The following ANKRD33B variants were observed in gnomAD, a reference collection of about 807,000 sequenced individuals.
The protein encoded by ANKRD33B is ankyrin repeat domain 33B.
ANKRD33B carries 6 observed loss-of-function variants against 21.5 expected under a neutral mutation model. The observed-to-expected ratio is 0.28, with a 90% CI of 0.15 to 0.55. The LOEUF (loss-of-function observed/expected upper bound fraction) is 0.55, where lower values mean the gene tolerates loss of function less well. ANKRD33B is among the 20% of genes least tolerant of loss of function. The pLI is 0.94. For synonymous variants in ANKRD33B, 347 were observed against 342.4 expected (o/e 1.01, Z -0.15); for missense variants, 698 against 747.2 (o/e 0.93, Z 0.77).
intron 2 of ANKRD33B, among the ~76,000 whole-genome samples, chr5:10,626,083 G>A (rs544779820): frequency 6.6e-6 from 1 of 152,346 alleles, no homozygotes; most frequent in South Asian, 2.1e-4. Flanking sequence ...AACCCGAGAG[G>A]CAGCCTCGGC....
intron 2 of ANKRD33B, among the ~76,000 whole-genome samples, chr5:10,631,179 C>T (rs1736702423): frequency 6.6e-6 from 1 of 152,130 alleles, no homozygotes; most frequent in South Asian, 2.1e-4. Context: ...TGGCTGGCCT[C>T]AGGGAAGAAG....
At chr5:10,600,479 CTG>C (rs1735905877) in intron 1 of ANKRD33B, among the ~76,000 whole-genome samples, 1 of 152,178 alleles carries the variant, frequency 6.6e-6, no homozygotes, top group African/African-American at 2.4e-5. Flanking sequence ...ACTGGCATTG[CTG>C]TGTGTATCAG....
intron 2 of ANKRD33B, chr5:10,624,962 C>T (rs1242800163): frequency 2.8e-6 from 1 of 356,734 alleles, no homozygotes; most frequent in Non-Finnish European, 5.5e-6. Context: ...AGGGACCCCA[C>T]ATTGAGGATG....
At chr5:10,635,440 G>A (rs1039634808) in intron 2 of ANKRD33B, among the ~76,000 whole-genome samples, 1 of 152,248 alleles carries the variant, frequency 6.6e-6, no homozygotes, top group Non-Finnish European at 1.5e-5. Flanking sequence ...GGACGAGGGA[G>A]AGCAATGTGG....
At chr5:10,636,259 A>G (rs1012795290) in intron 2 of ANKRD33B, among the ~76,000 whole-genome samples, 2 of 152,208 alleles carry the variant, frequency 1.3e-5, no homozygotes, top group East Asian at 1.9e-4. Context: ...TGAAAGGAAC[A>G]TGCTTGAGTT....
At chr5:10,613,643 G>A (rs1736220728) in intron 1 of ANKRD33B, among the ~76,000 whole-genome samples, 2 of 152,296 alleles carry the variant, frequency 1.3e-5, no homozygotes, top group South Asian at 2.1e-4. Flanking sequence ...GCTCACGCCT[G>A]TAATCCCAGC....
At chr5:10,579,733 A>G (rs576963553) in intron 1 of ANKRD33B, among the ~76,000 whole-genome samples, 1 of 152,230 alleles carries the variant, frequency 6.6e-6, no homozygotes, top group South Asian at 2.1e-4. Context: ...AAACCTAGTG[A>G]GAAAGGTCAA....
In ANKRD33B at chr5:10,649,805, T is replaced by TCCCGGGGC; in HGVS notation, c.1182_1189dup (p.Ala397GlyfsTer182). 7.2e-7 allele frequency: 1 copy of TCCCGGGGC among 1,389,292 alleles called. No homozygotes were observed. Among genetic ancestry groups the TCCCGGGGC allele is most frequent in the East Asian group, 3.1e-5 (1 of 32,318 alleles). 86.1% of individuals were successfully genotyped at this position (1,389,292 alleles called of 1,614,324 possible). A position where few individuals can be genotyped will look rare whatever the true frequency, so the allele number is the denominator to read the frequency against. On this transcript the variant is annotated frameshift_variant, in exon 4 of 4. Transcript: ENST00000296657. LOFTEE classifies it high-confidence loss of function. ...AGCCGGCCTCCCTCCCGCCCTGGGG[T>TCCCGGGGC]CCCGGGGCCCCGCAGCGCCCGCCCC...
intron 1 of ANKRD33B, among the ~76,000 whole-genome samples, chr5:10,606,970 A>G (rs1366914137): frequency 6.6e-6 from 1 of 152,106 alleles, no homozygotes; most frequent in Admixed American, 6.5e-5. Flanking sequence ...ACCTCAAGTG[A>G]TCCACCCACC....
chr5:10,630,106 A>G (rs1406334727), intron 2 of ANKRD33B, among the ~76,000 whole-genome samples: 3 of 152,008 alleles, frequency 2.0e-5, no homozygotes, highest in Admixed American at 2.0e-4. Flanking sequence ...AAGATGAGAG[A>G]CCCTTGAGCA....
At chr5:10,577,694 T>C (rs114929145) in intron 1 of ANKRD33B, among the ~76,000 whole-genome samples, 1 of 152,232 alleles carries the variant, frequency 6.6e-6, no homozygotes, top group Non-Finnish European at 1.5e-5. Context: ...GAGACAATAG[T>C]CATCTCCTAA....
intron 1 of ANKRD33B, among the ~76,000 whole-genome samples, chr5:10,581,842 G>A (rs1273580834): frequency 2.6e-5 from 4 of 152,204 alleles, no homozygotes. Flanking sequence ...CTGCCTGCCT[G>A]CCCTGTAGAT....
chr5:10,564,597 T>C lies in ANKRD33B; in HGVS notation c.130T>C (p.Ser44Pro). Reference protein sequence around the residue: ...PADYEEFEDFSSLPDTRSIAS... With the variant: ...PADYEEFEDFPSLPDTRSIAS... ...TGACTACGAAGAGTTTGAGGACTTC[T>C]CGAGTCTGCCAGACACCCGCAGCAT... The change falls in exon 1 of 4, where the codon TCG becomes CCG. Residue 44 changes from serine (S) to proline (P), a missense_variant. Coordinates refer to ENST00000296657, the MANE Select transcript of ANKRD33B (RefSeq NM_001164440.2). The C allele has an allele frequency of 2.6e-6, 4 of 1,534,808 alleles. No individual in the cohort carries two copies. The highest frequency in any genetic ancestry group is 3.5e-6 in the Non-Finnish European group (4 of 1,146,612).
intron 2 of ANKRD33B, chr5:10,625,219 A>C (rs1736518564): frequency 6.4e-6 from 1 of 156,804 alleles, no homozygotes; most frequent in Non-Finnish European, 1.4e-5. Flanking sequence ...AACCAGTTTT[A>C]TTTCTTTGAT....
At chr5:10,607,389 C>T (rs1736067640) in intron 1 of ANKRD33B, among the ~76,000 whole-genome samples, 1 of 152,194 alleles carries the variant, frequency 6.6e-6, no homozygotes, top group Non-Finnish European at 1.5e-5. Flanking sequence ...GAAGGTGGCA[C>T]ATCGTCCACC....
chr5:10,635,913 G>C (rs1258990074), intron 2 of ANKRD33B, among the ~76,000 whole-genome samples: 1 of 152,248 alleles, frequency 6.6e-6, no homozygotes, highest in African/African-American at 2.4e-5. Context: ...CTGCCTACTG[G>C]AGATCTCAGC....
Position 10,576,103 on chromosome 5 carries a change from G to A in ANKRD33B, c.366+11270G>A, listed in dbSNP as rs1735315862. Reference sequence around the variant, plus strand: ...GTAATTGTGGAAGATGCTACCTTTGGGGAGGACAGGTGAAGGGTACAAGTT... The same window carrying A: ...GTAATTGTGGAAGATGCTACCTTTGAGGAGGACAGGTGAAGGGTACAAGTT... On this transcript the variant is annotated intron_variant, in intron 1 of 3. Coordinates refer to ENST00000296657, the MANE Select transcript of ANKRD33B (RefSeq NM_001164440.2). This position sits in a 1 kb window ranked among gnomAD's most constrained non-coding sequence, Gnocchi z 4.1. Among the ~76,000 whole-genome samples the A allele has an allele frequency of 6.6e-6, 1 of 152,184 alleles. No homozygotes were observed. Among genetic ancestry groups the A allele is most frequent in the Non-Finnish European group, 1.5e-5 (1 of 68,038 alleles).
rs1414107091 is a variant in ANKRD33B, at chr5:10,651,697, C to G, written c.*1584C>G. 2 of 152,312 alleles carry G rather than the reference C, an allele frequency of 1.3e-5. No homozygotes were observed. The highest frequency in any genetic ancestry group is 2.9e-5 in the Non-Finnish European group (2 of 68,050). The allele number at this position is 152,312 out of a possible 1,614,324, so 9.4% of individuals were successfully genotyped here. A position where few individuals can be genotyped will look rare whatever the true frequency, so the allele number is the denominator to read the frequency against. On this transcript the variant is annotated 3_prime_UTR_variant, in exon 4 of 4. Transcript: ENST00000296657. Reference sequence around the variant, plus strand: ...ACTATGACCCTAATAACCCTAGATACATCATGATACATGGTGTCTGTCTCA... The same window carrying G: ...ACTATGACCCTAATAACCCTAGATAGATCATGATACATGGTGTCTGTCTCA...
chr5:10,595,403 G>A (rs750249321), intron 1 of ANKRD33B, among the ~76,000 whole-genome samples: 9 of 152,130 alleles, frequency 5.9e-5, no homozygotes, highest in Non-Finnish European at 1.2e-4. Flanking sequence ...GGAATTCTGC[G>A]GTCTGTGACA....
Sources: gnomAD v4.1 joint callset for allele counts (sites outside exome capture counted in the v4.1 genomes callset) on GRCh38, gnomAD v4.1.1 for gene constraint, Gnocchi (gnomAD v3.1) non-coding constraint, MANE v1.5 for transcripts, NCBI Gene and HGNC (gene_info 2026-07-23, HGNC 2026-07-21) for gene names.